REXO1: variants seen among roughly 807,000 people sequenced by gnomAD.
The protein encoded by REXO1 is REX1, RNA exonuclease 1 homolog.
REXO1 carries 42 observed loss-of-function variants against 102.6 expected under a neutral mutation model. The observed-to-expected ratio is 0.41, with a 90% CI of 0.32 to 0.53. REXO1 has a LOEUF of 0.53. Among genes scored for constraint, REXO1 ranks in the 20% least tolerant of loss-of-function variants. The pLI, the probability that REXO1 is intolerant of heterozygous loss-of-function variation, is 0.27. For missense variants in REXO1, 1,819 were observed against 1,732.5 expected, an observed-to-expected ratio of 1.05 and a Z score of -0.89; for synonymous variants, 908 against 779.1, an observed-to-expected ratio of 1.17 and a Z score of -2.76.
At chr19:1,837,444 C>T (rs1421379418) in intron 1 of REXO1, among the ~76,000 whole-genome samples, 1 of 152,170 alleles carries the variant, frequency 6.6e-6, no homozygotes, top group Non-Finnish European at 1.5e-5. Context: ...GAGGAGGTCC[C>T]ACAGCTCCTA....
intron 1 of REXO1, among the ~76,000 whole-genome samples, chr19:1,829,281 C>T (rs2078488722): frequency 6.6e-6 from 1 of 152,226 alleles, no homozygotes; most frequent in African/African-American, 2.4e-5. Flanking sequence ...CTCTGCTGCC[C>T]AAGCTGGAGT....
At chr19:1,840,637 A>C (rs971410943) in intron 1 of REXO1, among the ~76,000 whole-genome samples, 1 of 143,506 alleles carries the variant, frequency 7.0e-6, no homozygotes, top group African/African-American at 2.6e-5. Context: ...CACTCGCCCC[A>C]CCCCCCTGCA....
chr19:1,837,861 G>C (rs2070086184), intron 1 of REXO1, among the ~76,000 whole-genome samples: 1 of 152,220 alleles, frequency 6.6e-6, no homozygotes, highest in Non-Finnish European at 1.5e-5. Context: ...GGGACCACCA[G>C]CTCTGCTCTC....
Position 1,818,474 on chromosome 19 carries a change from G to C in REXO1, c.3016+8C>G, listed in dbSNP as rs1344820918. ...GTGGGAAGGGGAAGGACCCGGGTAAGGCCTTACCCCGGTTCCGGCGCAGCC... is the reference window on the plus strand; with the variant it reads ...GTGGGAAGGGGAAGGACCCGGGTAACGCCTTACCCCGGTTCCGGCGCAGCC... On this transcript the variant is annotated splice_region_variant and intron_variant, in intron 10 of 15. Coordinates refer to ENST00000170168, the MANE Select transcript of REXO1 (RefSeq NM_020695.4). 10 of 1,584,216 alleles carry C rather than the reference G, an allele frequency of 6.3e-6. No individual in the cohort carries two copies. The highest frequency in any genetic ancestry group is 8.6e-6 in the Non-Finnish European group (10 of 1,165,742).
chr19:1,828,242 C>T lies in REXO1; in HGVS notation c.547G>A (p.Ala183Thr). 6.2e-7 allele frequency: 1 copy of T among 1,606,186 alleles called. No homozygotes were observed. Among genetic ancestry groups the T allele is most frequent in the Non-Finnish European group, 8.5e-7 (1 of 1,176,448 alleles). ...PAEPGSKYSL[A>T]SLDRGQGRGG... ...CTGCCCTGACCCCTGTCCAGGGACG[C>T]CAGCGAGTACTTGCTGCCCGGCTCG... Residue 183 changes from alanine (A) to threonine (T), a missense_variant, in exon 2 of 16, where the codon GCG becomes ACG. Ala to Thr is a moderately conservative substitution (Grantham distance 58). Transcript: ENST00000170168.
intron 1 of REXO1, among the ~76,000 whole-genome samples, chr19:1,844,762 G>T (rs759239775): frequency 6.6e-6 from 1 of 152,230 alleles, no homozygotes; most frequent in Admixed American, 6.5e-5. Flanking sequence ...CACGTCTGCC[G>T]CTCACTTTGC....
intron 1 of REXO1, among the ~76,000 whole-genome samples, chr19:1,839,903 C>G (rs924437916): frequency 6.6e-6 from 1 of 152,360 alleles, no homozygotes; most frequent in African/African-American, 2.4e-5. Context: ...CTCAGGACTG[C>G]GCAGGCCCAC....
At position 1,819,967 on chromosome 19, in the gene REXO1, C is replaced by G. The variant is rs1473938720; in HGVS notation, c.2617G>C (p.Gly873Arg). The change falls in exon 7 of 16, where the codon GGC becomes CGC. Residue 873 changes from glycine (G) to arginine (R), a missense_variant. Coordinates refer to ENST00000170168, the MANE Select transcript of REXO1 (RefSeq NM_020695.4). ...CCGGGCACAGCGCTGGGGGCCAGGC[C>G]CCTGAGCTTCTTGAGGGTGTTCACG... ...VAVNTLKKLR[G>R]LAPSAVPGLS... The G allele has an allele frequency of 3.1e-6, 5 of 1,591,504 alleles. No individual in the cohort carries two copies. The highest frequency in any genetic ancestry group is 3.3e-4 in the Middle Eastern group (2 of 5,980).
At chr19:1,841,197 TC>T (rs11330938) in intron 1 of REXO1, among the ~76,000 whole-genome samples, 114,047 of 152,152 alleles carry the variant, frequency 0.75, 42,910 homozygotes, top group Middle Eastern at 0.81. Flanking sequence ...CCTGACAGTC[TC>T]CCTTCTACCC....
At chr19:1,837,933 C>T (rs928979845) in intron 1 of REXO1, among the ~76,000 whole-genome samples, 4 of 152,234 alleles carry the variant, frequency 2.6e-5, no homozygotes, top group African/African-American at 9.6e-5. Flanking sequence ...CATGACTGGA[C>T]GCGCTGCTGT....
chr19:1,828,771 CT>C, intron 1 of REXO1, 140 bp from the exon 2 acceptor site: 1 of 1,168,992 alleles, frequency 8.6e-7, no homozygotes, highest in East Asian at 2.6e-5. Flanking sequence ...CGCCAAGGCT[CT>C]GGGGTGCCCA....
At position 1,818,742 on chromosome 19, in the gene REXO1, T is replaced by C. The variant is rs750651437; in HGVS notation, c.2866A>G (p.Ile956Val). 5.0e-6 allele frequency: 8 copies of C among 1,610,940 alleles called. No individual in the cohort carries two copies. The highest frequency in any genetic ancestry group is 4.0e-5 in the African/African-American group (3 of 74,890). Residue 956 changes from isoleucine (I) to valine (V), a missense_variant, in exon 9 of 16, where the codon ATC becomes GTC. Physicochemically the swap from Ile to Val is conservative, Grantham distance 29. Coordinates refer to ENST00000170168, the MANE Select transcript of REXO1 (RefSeq NM_020695.4). ...CTCTTCTCCTCAGCTGTGAAGATGA[T>C]TGCGCCCCCGGGCCGCTCTGGGTGC... ...FPHPERPGGAIIFTAEEKRPK... is the reference protein window; with the variant it reads ...FPHPERPGGAVIFTAEEKRPK...
At chr19:1,819,798 C>T in intron 7 of REXO1, 136 bp downstream of exon 7, 1 of 966,682 alleles carries the variant, frequency 1.0e-6, no homozygotes, top group Non-Finnish European at 1.4e-6. Flanking sequence ...CAGGCAGCCC[C>T]CCCACAGCAC....
intron 3 of REXO1, among the ~76,000 whole-genome samples, chr19:1,824,772 AT>A (rs1372484502): frequency 1.5e-5 from 2 of 134,744 alleles, no homozygotes; most frequent in Admixed American, 1.6e-4. Flanking sequence ...AAGTTTATGA[AT>A]GGATAACTCA....
At chr19:1,817,921 AAGCAG>A (rs1337051516) in intron 10 of REXO1, 141 bp from the exon 11 acceptor site, 1 of 666,742 alleles carries the variant, frequency 1.5e-6, no homozygotes, top group Non-Finnish European at 2.6e-6. Context: ...GTGGAGCTGG[AAGCAG>A]ACCAGGCCCC....
intron 1 of REXO1, among the ~76,000 whole-genome samples, chr19:1,839,827 G>A (rs2011208856): frequency 6.6e-6 from 1 of 152,238 alleles, no homozygotes; most frequent in Admixed American, 6.5e-5. Flanking sequence ...ATACAGAGGT[G>A]GAAGGCATGG....
At chr19:1,846,763 G>A (rs893850907) in intron 1 of REXO1, among the ~76,000 whole-genome samples, 3 of 152,066 alleles carry the variant, frequency 2.0e-5, no homozygotes, top group Non-Finnish European at 4.4e-5. Flanking sequence ...GGTGGCACCC[G>A]CCGCCCATAG....
chr19:1,838,897 T>A (rs2011184067), intron 1 of REXO1, among the ~76,000 whole-genome samples: 1 of 151,658 alleles, frequency 6.6e-6, no homozygotes, highest in African/African-American at 2.4e-5. Flanking sequence ...CTGGTGGATC[T>A]CTTGAGCCCA....
chr19:1,820,195 G>A (rs1010343141), intron 6 of REXO1, 69 bp downstream of exon 6: 9 of 1,565,582 alleles, frequency 5.7e-6, no homozygotes, highest in Middle Eastern at 1.7e-4. Context: ...GAGGCCGGGG[G>A]ATGTCTGGGG....
Sources: allele counts gnomAD v4.1 joint callset (sites outside exome capture counted in the v4.1 genomes callset), GRCh38; gene constraint gnomAD v4.1.1; transcripts MANE v1.5; gene names NCBI Gene and HGNC (gene_info 2026-07-23, HGNC 2026-07-21).